The following TEX14 variants were observed in gnomAD, a reference collection of about 807,000 sequenced individuals.
TEX14 encodes inactive serine/threonine-protein kinase TEX14.
Under a neutral mutation model 178.6 loss-of-function variants are expected in TEX14, and 168 were observed. The ratio of observed to expected loss-of-function variants is 0.94; its 90% confidence interval spans 0.83 to 1.07. TEX14 has a LOEUF of 1.07. Ranked by LOEUF, TEX14 falls within the 50% of genes least tolerant of loss-of-function variation. The pLI is 0.00. For synonymous variants in TEX14, 626 were observed against 634.1 expected, an observed-to-expected ratio of 0.99 and a Z score of 0.19; for missense variants, 1,730 against 1,753.6, an observed-to-expected ratio of 0.99 and a Z score of 0.24.
intron 1 of TEX14, among the ~76,000 whole-genome samples, chr17:58,684,196 G>C (rs1322339975): frequency 6.6e-6 from 1 of 150,782 alleles, no homozygotes; most frequent in Non-Finnish European, 1.5e-5. Context: ...GGTGACTCAC[G>C]TGAGCCTATA....
Position 58,569,316 on chromosome 17 carries a change from C to T in TEX14, c.3818-56G>A. 1.4e-6 allele frequency: 2 copies of T among 1,403,302 alleles called. No homozygotes were observed. Among genetic ancestry groups the T allele is most frequent in the Admixed American group, 1.7e-5 (1 of 57,718 alleles). 86.9% of individuals were successfully genotyped at this position (1,403,302 alleles called of 1,614,324 possible). A position where few individuals can be genotyped will look rare whatever the true frequency, so the allele number is the denominator to read the frequency against. On this transcript the variant is annotated intron_variant, in intron 25 of 31. Coordinates refer to ENST00000349033, the MANE Select transcript of TEX14 (RefSeq NM_031272.5). The surrounding 1 kb of genome is among the most constrained non-coding windows in gnomAD (Gnocchi z 4.1). ...GTCTTAACACCCTCCTGGACCTGAA[C>T]TGAATTTTTCTCGGCTCTCACATAG...
intron 1 of TEX14, among the ~76,000 whole-genome samples, chr17:58,667,187 C>G (rs1435559753): frequency 6.6e-6 from 1 of 152,172 alleles, no homozygotes; most frequent in Non-Finnish European, 1.5e-5. Flanking sequence ...GCATCATTTC[C>G]TCTTATTCCA....
intron 11 of TEX14, 111 bp from the exon 12 acceptor site, chr17:58,602,701 T>G: frequency 1.3e-6 from 1 of 756,120 alleles, no homozygotes; most frequent in South Asian, 2.1e-5. Flanking sequence ...TTAACTTCTT[T>G]ATTTTTTTTT....
intron 3 of TEX14, among the ~76,000 whole-genome samples, chr17:58,630,134 G>A (rs2046252902): frequency 6.6e-6 from 1 of 150,924 alleles, no homozygotes; most frequent in Non-Finnish European, 1.5e-5. Context: ...TCGGCTCACT[G>A]CAACCTCCAC....
At chr17:58,655,243 G>C (rs1400147131) in intron 1 of TEX14, among the ~76,000 whole-genome samples, 1 of 151,828 alleles carries the variant, frequency 6.6e-6, no homozygotes, top group Non-Finnish European at 1.5e-5. Flanking sequence ...GAGTGCAGGG[G>C]CGCAATCTCA....
rs556263996 is a variant in TEX14 at position 58,634,588 on chromosome 17, T to G, written c.137-4034A>C. On this transcript the variant is annotated intron_variant, in intron 2 of 31. Transcript: ENST00000349033. The stretch of plus-strand genomic sequence containing the variant: ...TAGAAGGTAGGAACTGCCCAATGTA[T>G]CTCCCCTATCTTCAGTGCCTTGTTC... 1.6e-4 allele frequency among the ~76,000 whole-genome samples: 24 copies of G among 152,182 alleles called. No homozygotes were observed. The South Asian group carries it at 4.1e-3, about 26-fold the overall frequency.
At position 58,626,043 on chromosome 17, in the gene TEX14, C is replaced by T. The variant is rs964222317; in HGVS notation, c.252-3031G>A. On this transcript the variant is annotated intron_variant, in intron 3 of 31. Coordinates refer to ENST00000349033, the MANE Select transcript of TEX14 (RefSeq NM_031272.5). ...GATTACAGGCGTGAGCCACTGTGCC[C>T]GGCAACATTTGGGAGATTTCAAATT... 2.2e-4 allele frequency among the ~76,000 whole-genome samples: 34 copies of T among 152,138 alleles called. 1 individual carries two copies. The highest frequency in any genetic ancestry group is 2.1e-4 in the South Asian group (1 of 4,814).
At chr17:58,608,416 C>CA (rs561515686) in intron 10 of TEX14, among the ~76,000 whole-genome samples, 1,835 of 108,376 alleles carry the variant, frequency 0.017, 56 homozygotes, top group Admixed American at 0.079. Context: ...GACTCCATCT[C>CA]AAAAAAAAAA....
intron 2 of TEX14, among the ~76,000 whole-genome samples, chr17:58,632,179 C>T (rs1252849116): frequency 1.3e-5 from 2 of 152,196 alleles, no homozygotes; most frequent in Admixed American, 6.5e-5. Context: ...GACTGATGAT[C>T]GGAAGCAAGA....
rs137999937 is a variant in TEX14, at chr17:58,631,724, C to G, written c.137-1170G>C. 9.3e-4 allele frequency: 137 copies of G among 147,598 alleles called. 1 individual carries two copies. Among genetic ancestry groups the G allele is most frequent in the African/African-American group, 3.3e-3 (134 of 40,762 alleles). The allele number at this position is 147,598 out of a possible 1,614,324, so 9.1% of individuals were successfully genotyped here. A position where few individuals can be genotyped will look rare whatever the true frequency, so the allele number is the denominator to read the frequency against. ...ATAACGCAACACCAAACACTGCTATCCCACTCGTGAGAGAACACAAATATC... is the reference window on the plus strand; with the variant it reads ...ATAACGCAACACCAAACACTGCTATGCCACTCGTGAGAGAACACAAATATC... On this transcript the variant is annotated intron_variant, in intron 2 of 31. Coordinates refer to ENST00000349033, the MANE Select transcript of TEX14 (RefSeq NM_031272.5).
Position 58,623,261 on chromosome 17 carries a change from C to T in TEX14, c.252-249G>A, listed in dbSNP as rs181258272. 2.2e-3 allele frequency among the ~76,000 whole-genome samples: 336 copies of T among 152,172 alleles called. 1 individual carries two copies. Among genetic ancestry groups the T allele is most frequent in the Middle Eastern group, 0.017 (5 of 294 alleles). ...TCAACCCTTCAAGGAAGTATCATTT[C>T]CCAATTTACAGATGAGGAAACAAAA... is the stretch of plus-strand genomic sequence containing the variant. On this transcript the variant is annotated intron_variant, in intron 3 of 31. Transcript: ENST00000349033.
chr17:58,612,372 T>C (rs1350086536), intron 9 of TEX14, among the ~76,000 whole-genome samples: 1 of 152,106 alleles, frequency 6.6e-6, no homozygotes, highest in Non-Finnish European at 1.5e-5. Flanking sequence ...GAGGATCACT[T>C]GAAGCCAGGA....
chr17:58,667,384 T>C (rs2047232012), intron 1 of TEX14, among the ~76,000 whole-genome samples: 1 of 152,176 alleles, frequency 6.6e-6, no homozygotes, highest in Admixed American at 6.5e-5. Context: ...CTAAAACAAA[T>C]ACATTAACGA....
At chr17:58,559,385 AAATAACTT>A (rs1211126658) in intron 30 of TEX14, 60 bp downstream of exon 30, 1 of 691,590 alleles carries the variant, frequency 1.4e-6, no homozygotes, top group Non-Finnish European at 2.5e-6. Flanking sequence ...AAACATTTCT[AAATAACTT>A]TGAAGCACAT....
intron 31 of TEX14, 60 bp from the exon 32 acceptor site, chr17:58,557,107 T>A: frequency 7.4e-7 from 1 of 1,357,404 alleles, no homozygotes; most frequent in Non-Finnish European, 1.1e-6. Context: ...GTGTGTTTTT[T>A]AAAGACACAA....
At position 58,557,453 on chromosome 17, in the gene TEX14, T is replaced by C. The variant is rs1312157593; in HGVS notation, c.4319+346A>G. Among the ~76,000 whole-genome samples, 6 of 152,104 alleles carry C rather than the reference T, an allele frequency of 3.9e-5. No individual in the cohort carries two copies. The East Asian group carries it at 1.2e-3, about 29-fold the overall frequency. ...GCCCGGCTAATTTTTGTATTTTTAG[T>C]AGAGACGGGGTTTCACCATGTTGGC... is the stretch of plus-strand genomic sequence containing the variant. On this transcript the variant is annotated intron_variant, in intron 31 of 31. Transcript: ENST00000349033.
chr17:58,637,416 C>G (rs775100652), intron 2 of TEX14, among the ~76,000 whole-genome samples: 44 of 152,220 alleles, frequency 2.9e-4, no homozygotes, highest in Middle Eastern at 3.4e-3. Flanking sequence ...CTGGAAAGAC[C>G]GAAGCATGAT....
chr17:58,684,064 T>A (rs1023469408), intron 1 of TEX14, among the ~76,000 whole-genome samples: 2 of 151,660 alleles, frequency 1.3e-5, no homozygotes, highest in African/African-American at 4.8e-5. Context: ...AGGACCTACA[T>A]ATATAAAAGT....
At chr17:58,664,873 C>T (rs1307083430) in intron 1 of TEX14, among the ~76,000 whole-genome samples, 5 of 152,052 alleles carry the variant, frequency 3.3e-5, no homozygotes, top group Non-Finnish European at 4.4e-5. Context: ...GCCTGTGGTA[C>T]GTAACAGATA....
Sources: gnomAD v4.1 joint callset for allele counts (sites outside exome capture counted in the v4.1 genomes callset) on GRCh38, gnomAD v4.1.1 for gene constraint, Gnocchi (gnomAD v3.1) non-coding constraint, MANE v1.5 for transcripts, NCBI Gene and HGNC (gene_info 2026-07-23, HGNC 2026-07-21) for gene names.